Variants in CDK17 observed in about 807,000 individuals in gnomAD.
CDK17 encodes cyclin dependent kinase 17.
CDK17 carries 24 observed loss-of-function variants against 77.6 expected under a neutral mutation model. The ratio of observed to expected loss-of-function variants is 0.31; its 90% confidence interval spans 0.22 to 0.44. The LOEUF (loss-of-function observed/expected upper bound fraction) is 0.44, where lower values mean the gene tolerates loss of function less well. CDK17 is among the 20% of genes least tolerant of loss of function. The pLI is 1.00. For synonymous variants in CDK17, 203 were observed against 210.4 expected (o/e 0.96, Z 0.30); for missense variants, 429 against 622.5 (o/e 0.69, Z 3.31).
At chr12:96,313,199 A>G in intron 4 of CDK17, 122 bp downstream of exon 4, 1 of 593,004 alleles carries the variant, frequency 1.7e-6, no homozygotes. Context: ...TAACTTTCTT[A>G]CAAGTGTCAC....
chr12:96,335,778 A>G (rs190873641), intron 1 of CDK17, among the ~76,000 whole-genome samples: 3 of 152,282 alleles, frequency 2.0e-5, no homozygotes, highest in Non-Finnish European at 2.9e-5. Flanking sequence ...AGAGTCTTGG[A>G]TATGATGAAA....
chr12:96,389,044 A>T (rs556894466), intron 1 of CDK17, among the ~76,000 whole-genome samples: 19 of 148,638 alleles, frequency 1.3e-4, no homozygotes, highest in Middle Eastern at 3.5e-3. Flanking sequence ...TATTATTATT[A>T]TTTTTTGAGA....
At chr12:96,340,952 A>G (rs1383736864) in intron 1 of CDK17, among the ~76,000 whole-genome samples, 2 of 152,162 alleles carry the variant, frequency 1.3e-5, no homozygotes, top group Non-Finnish European at 2.9e-5. Flanking sequence ...AGTAGTACGT[A>G]TAGTACCCAA....
chr12:96,354,325 T>C (rs1820802377), intron 1 of CDK17, among the ~76,000 whole-genome samples: 1 of 152,194 alleles, frequency 6.6e-6, no homozygotes, highest in Admixed American at 6.5e-5. Context: ...TACTGAAGAA[T>C]TAAAATCTAG....
chr12:96,384,208 T>C (rs1393829658), intron 1 of CDK17, among the ~76,000 whole-genome samples: 3 of 152,064 alleles, frequency 2.0e-5, no homozygotes, highest in African/African-American at 7.2e-5. Context: ...CAAAATACCA[T>C]CTCACACCAG....
chr12:96,282,347 G>T (rs1021750488), intron 15 of CDK17, 162 bp downstream of exon 15: 2 of 564,548 alleles, frequency 3.5e-6, no homozygotes, highest in Non-Finnish European at 6.3e-6. Context: ...CTGAATCATA[G>T]GGAAATAAGA....
At chr12:96,371,340 A>T (rs2137208223) in intron 1 of CDK17, among the ~76,000 whole-genome samples, 1 of 152,358 alleles carries the variant, frequency 6.6e-6, no homozygotes, top group East Asian at 1.9e-4. Context: ...CCACTGACGT[A>T]AAGATATCCC....
At chr12:96,283,518 G>A (rs1355998519) in intron 14 of CDK17, 85 bp downstream of exon 14, 8 of 760,950 alleles carry the variant, frequency 1.1e-5, no homozygotes, top group Middle Eastern at 2.3e-4. Context: ...TAACAATACC[G>A]AGGAAGTACT....
chr12:96,337,268 C>T (rs1953054985), intron 1 of CDK17, among the ~76,000 whole-genome samples: 1 of 151,836 alleles, frequency 6.6e-6, no homozygotes, highest in African/African-American at 2.4e-5. Context: ...CTTCCTCAGT[C>T]GTTTTTTGCT....
At chr12:96,370,095 A>G (rs1417404802) in intron 1 of CDK17, among the ~76,000 whole-genome samples, 1 of 152,254 alleles carries the variant, frequency 6.6e-6, no homozygotes, top group Non-Finnish European at 1.5e-5. Context: ...CAGAGTAACA[A>G]GGAAGACACA....
chr12:96,290,540 G>T (rs926497176), intron 10 of CDK17, among the ~76,000 whole-genome samples: 22 of 152,160 alleles, frequency 1.4e-4, no homozygotes, highest in Non-Finnish European at 2.4e-4. Context: ...ATGGTGAAAG[G>T]TTATAACTGG....
At chr12:96,320,052 G>A (rs577666546) in intron 3 of CDK17, among the ~76,000 whole-genome samples, 12 of 152,090 alleles carry the variant, frequency 7.9e-5, no homozygotes, top group Non-Finnish European at 1.2e-4. Context: ...AAACCCCATC[G>A]TCTCAGCCCA....
chr12:96,299,515 C>G (rs748777259), intron 6 of CDK17, among the ~76,000 whole-genome samples: 1 of 151,636 alleles, frequency 6.6e-6, no homozygotes, highest in Non-Finnish European at 1.5e-5. Flanking sequence ...CTCAGCCTCC[C>G]GAGTAGCTGG....
chr12:96,316,356 C>G (rs1297940549), intron 3 of CDK17, among the ~76,000 whole-genome samples: 1 of 151,340 alleles, frequency 6.6e-6, no homozygotes, highest in Non-Finnish European at 1.5e-5. Context: ...GATCAAACCG[C>G]AAGGCGGCAG....
chr12:96,295,881 T>C (rs1952398418), intron 9 of CDK17, among the ~76,000 whole-genome samples: 1 of 152,160 alleles, frequency 6.6e-6, no homozygotes, highest in Admixed American at 6.5e-5. Context: ...CATAAGACCT[T>C]TGATTCTCTG....
chr12:96,311,006 A>G, intron 5 of CDK17, 46 bp downstream of exon 5: 1 of 1,555,914 alleles, frequency 6.4e-7, no homozygotes, highest in South Asian at 1.3e-5. Flanking sequence ...AGCAGCAAAC[A>G]AGCAGATCTG....
chr12:96,385,735 C>T (rs958779123), intron 1 of CDK17, among the ~76,000 whole-genome samples: 1 of 152,010 alleles, frequency 6.6e-6, no homozygotes, highest in East Asian at 1.9e-4. Flanking sequence ...AGAGAACGTA[C>T]ATTGTACATT....
intron 1 of CDK17, among the ~76,000 whole-genome samples, chr12:96,386,642 AAAGAGGCCTTGTCTC>A (rs1255108632): frequency 1.3e-5 from 2 of 149,128 alleles, no homozygotes; most frequent in Non-Finnish European, 3.0e-5. Flanking sequence ...TGGGAGACAG[AAAGAGGCCTTGTCTC>A]AAAATGAAAA....
chr12:96,326,924 T>C (rs1952898761), intron 2 of CDK17, among the ~76,000 whole-genome samples: 1 of 152,210 alleles, frequency 6.6e-6, no homozygotes, highest in Non-Finnish European at 1.5e-5. Flanking sequence ...GCAGTTACGG[T>C]AGCTTTGAAG....
Sources: gnomAD v4.1 joint callset for allele counts (sites outside exome capture counted in the v4.1 genomes callset) on GRCh38, gnomAD v4.1.1 for gene constraint, MANE v1.5 for transcripts, NCBI Gene and HGNC (gene_info 2026-07-23, HGNC 2026-07-21) for gene names.